The following NHSL1 variants were observed in gnomAD, a reference collection of about 807,000 sequenced individuals.
The protein encoded by NHSL1 is NHS like 1.
A neutral mutation model predicts 95.0 loss-of-function variants in NHSL1; 48 were observed. The ratio of observed to expected loss-of-function variants is 0.51; its 90% CI spans 0.40 to 0.64. The LOEUF is 0.64. Ranked by LOEUF, NHSL1 falls within the 30% of genes least tolerant of loss-of-function variation. NHSL1 has a pLI of 0.00. For synonymous variants in NHSL1, 783 were observed against 833.9 expected, an observed-to-expected ratio of 0.94 and a Z score of 1.05; for missense variants, 1,971 against 2,077.7, an observed-to-expected ratio of 0.95 and a Z score of 1.00.
At chr6:138,612,324 A>G (rs1784525626) in intron 1 of NHSL1, among the ~76,000 whole-genome samples, 1 of 152,156 alleles carries the variant, frequency 6.6e-6, no homozygotes, top group Non-Finnish European at 1.5e-5. Flanking sequence ...GAACTGCGTA[A>G]TTTTAATACC....
In NHSL1 at chr6:138,422,980, A is replaced by G. The variant is rs535648668; in HGVS notation, c.*1101T>C. Reference sequence around the variant, plus strand: ...ACATGATACTGTAGGCAGTTCAAGGAAAAAAAAATAGCCATAACTTTTTCT... The same window carrying G: ...ACATGATACTGTAGGCAGTTCAAGGGAAAAAAAATAGCCATAACTTTTTCT... On this transcript the variant is annotated 3_prime_UTR_variant, in exon 8 of 8. Coordinates refer to ENST00000343505, the MANE Select transcript of NHSL1 (RefSeq NM_001144060.2). The G allele has an allele frequency of 1.3e-5, 2 of 151,066 alleles. No individual in the cohort carries two copies. Among genetic ancestry groups the G allele is most frequent in the Middle Eastern group, 3.5e-3 (1 of 288 alleles). The allele number at this position is 151,066 out of a possible 1,614,324, so 9.4% of individuals were successfully genotyped here.
At chr6:138,540,586 A>C (rs1782540408) in intron 1 of NHSL1, among the ~76,000 whole-genome samples, 1 of 152,228 alleles carries the variant, frequency 6.6e-6, no homozygotes, top group South Asian at 2.1e-4. Context: ...ACAAAAGACA[A>C]CTGGAAAGAG....
chr6:138,625,075 A>G (rs1784717880), intron 1 of NHSL1, among the ~76,000 whole-genome samples: 1 of 152,164 alleles, frequency 6.6e-6, no homozygotes, highest in Admixed American at 6.5e-5. Context: ...GTGGATATTA[A>G]TTTACAAAGA....
chr6:138,500,402 G>A (rs1252771610), upstream of NHSL1, among the ~76,000 whole-genome samples: 1 of 152,142 alleles, frequency 6.6e-6, no homozygotes, highest in African/African-American at 2.4e-5. Flanking sequence ...TATTCCAGGG[G>A]TAAAGGGATA....
intron 1 of NHSL1, among the ~76,000 whole-genome samples, chr6:138,647,602 C>CTTT (rs368149578): frequency 1.6e-4 from 22 of 136,224 alleles, no homozygotes; most frequent in African/African-American, 5.2e-4. Context: ...ATATTTCTCA[C>CTTT]TTTTTTTTTT....
intron 1 of NHSL1, among the ~76,000 whole-genome samples, chr6:138,629,793 CAT>C (rs1336995419): frequency 6.6e-6 from 1 of 152,226 alleles, no homozygotes; most frequent in Admixed American, 6.5e-5. Flanking sequence ...TCTTTCTAAC[CAT>C]ATGTGAAGCT....
chr6:138,558,338 G>A (rs189370547), intron 1 of NHSL1, among the ~76,000 whole-genome samples: 1 of 151,380 alleles, frequency 6.6e-6, no homozygotes, highest in East Asian at 2.0e-4. Context: ...TAGCCAGGAT[G>A]GTTTCGATCT....
rs545477482 is a variant in NHSL1, at chr6:138,683,085, G to T, written c.96+9391C>A. Among the ~76,000 whole-genome samples, 151 of 152,310 alleles carry T rather than the reference G, an allele frequency of 9.9e-4. 1 individual carries two copies. The highest frequency in any genetic ancestry group is 2.8e-4 in the Non-Finnish European group (19 of 68,036). On this transcript the variant is annotated intron_variant, in intron 1 of 3. Transcript: ENST00000491526. ...TCCCACGGCAGGAGGAAATGGGGGC[G>T]AGAGGGCTCTGTGAAAGCAAGCCCA...
chr6:138,673,051 A>C (rs1346514442), intron 1 of NHSL1, among the ~76,000 whole-genome samples: 1 of 147,446 alleles, frequency 6.8e-6, no homozygotes, highest in African/African-American at 2.7e-5. Context: ...AGATAGATAG[A>C]TAGATAGATA....
Position 138,433,591 on chromosome 6 carries a change from A to G in NHSL1, c.754T>C (p.Ser252Pro). 2 of 1,552,110 alleles carry G rather than the reference A, an allele frequency of 1.3e-6. No individual in the cohort carries two copies. The highest frequency in any genetic ancestry group is 1.7e-6 in the Non-Finnish European group (2 of 1,147,082). The change falls in exon 6 of 8, where the codon TCT (serine) becomes CCT (proline). Residue 252 changes from serine (S) to proline (P), a missense_variant. By Grantham distance (74) the Ser-to-Pro change is moderately conservative. This residue lies in a region of NHSL1 where 1,602 missense variants were observed against 1,654.5 expected (regional missense o/e 0.97). Coordinates refer to ENST00000343505, the MANE Select transcript of NHSL1 (RefSeq NM_001144060.2). ...STLGRFNSCR[S>P]AGQRSETRDS... The stretch of plus-strand genomic sequence containing the variant: ...CTGGTTTCTGAGCGCTGCCCAGCAG[A>G]CCGACAGCTATTGAACCTTCCTAGT...
upstream of NHSL1, among the ~76,000 whole-genome samples, chr6:138,549,456 A>AG (rs1478850811): frequency 6.6e-6 from 1 of 152,176 alleles, no homozygotes; most frequent in Non-Finnish European, 1.5e-5. Flanking sequence ...CACAGACTGG[A>AG]GGGATGCTGT....
intron 3 of NHSL1, among the ~76,000 whole-genome samples, chr6:138,447,558 G>C (rs1298922958): frequency 6.6e-6 from 1 of 152,140 alleles, no homozygotes; most frequent in East Asian, 1.9e-4. Flanking sequence ...TGGATCACTT[G>C]AGGTCAGGAG....
At chr6:138,547,531 C>T (rs925345281), upstream of NHSL1, among the ~76,000 whole-genome samples, 18 of 152,318 alleles carry the variant, frequency 1.2e-4, no homozygotes, top group Admixed American at 1.0e-3. Context: ...CAGGCGCCCG[C>T]CGCCAGGCCC....
chr6:138,628,843 T>C (rs2114651615), intron 1 of NHSL1, among the ~76,000 whole-genome samples: 1 of 152,346 alleles, frequency 6.6e-6, no homozygotes, highest in Middle Eastern at 3.4e-3. Flanking sequence ...GCAGAAATGC[T>C]TACTACAGAC....
Position 138,495,069 on chromosome 6 carries a change from C to T in NHSL1, c.211+1150G>A, listed in dbSNP as rs372316478. Among the ~76,000 whole-genome samples the T allele has an allele frequency of 3.6e-4, 55 of 152,112 alleles. No individual in the cohort carries two copies. In the East Asian group the frequency reaches 7.4e-3, roughly 20 times the overall value. On this transcript the variant is annotated intron_variant, in intron 2 of 7. Coordinates refer to ENST00000343505, the MANE Select transcript of NHSL1 (RefSeq NM_001144060.2). ...ACTAGCCTGGGCAAAGTGGTGAAAC[C>T]CCATCTCTACTAAAAATACAAAAAT...
At chr6:138,545,997 C>T (rs1782778771), upstream of NHSL1, among the ~76,000 whole-genome samples, 1 of 152,214 alleles carries the variant, frequency 6.6e-6, no homozygotes, top group Non-Finnish European at 1.5e-5. Flanking sequence ...GCGGATGCAG[C>T]TCTTCACGTG....
Position 138,424,341 on chromosome 6 carries a change from G to T in NHSL1, c.4561C>A (p.Pro1521Thr), listed in dbSNP as rs1775111081. 1 of 1,544,188 alleles carries T rather than the reference G, an allele frequency of 6.5e-7. No individual in the cohort carries two copies. The highest frequency in any genetic ancestry group is 8.8e-7 in the Non-Finnish European group (1 of 1,142,628). ...YSMRNRIQSS[P>T]MTVISEGEGE... ...TCTCCCTCCGAGATGACGGTCATGG[G>T]GCTGCTCTGGATCCGGTTCCGCATG... The change falls in exon 8 of 8, where the codon CCC becomes ACC. Residue 1521 changes from proline to threonine, a missense_variant. Physicochemically the swap from Pro to Thr is conservative, Grantham distance 38. Coordinates refer to ENST00000343505, the MANE Select transcript of NHSL1 (RefSeq NM_001144060.2). The surrounding 1 kb of genome is among the most constrained non-coding windows in gnomAD (Gnocchi z 5.9).
intron 1 of NHSL1, among the ~76,000 whole-genome samples, chr6:138,579,295 G>T (rs895049847): frequency 6.6e-6 from 1 of 152,196 alleles, no homozygotes; most frequent in Admixed American, 6.5e-5. Flanking sequence ...TGAAAAAAAT[G>T]GAACCATCCA....
chr6:138,437,651 G>A (rs1443818296), intron 5 of NHSL1, among the ~76,000 whole-genome samples: 1 of 152,052 alleles, frequency 6.6e-6, no homozygotes, highest in East Asian at 1.9e-4. Context: ...TCTGAGCAAA[G>A]TAAGTTGGAA....
Sources: gnomAD v4.1 joint callset for allele counts (sites outside exome capture counted in the v4.1 genomes callset) on GRCh38, gnomAD v4.1.1 for gene constraint, gnomAD v4.1.1 regional missense constraint, Gnocchi (gnomAD v3.1) non-coding constraint, MANE v1.5 for transcripts, NCBI Gene and HGNC (gene_info 2026-07-23, HGNC 2026-07-21) for gene names.